PCCB: variants seen among roughly 807,000 people sequenced by gnomAD.
The protein encoded by PCCB is propionyl-CoA carboxylase beta chain, mitochondrial.
A neutral mutation model predicts 60.7 loss-of-function variants in PCCB; 43 were observed. The ratio of observed to expected loss-of-function variants is 0.71; its 90% CI spans 0.55 to 0.91. The LOEUF (loss-of-function observed/expected upper bound fraction) is 0.91, where lower values mean the gene tolerates loss of function less well. Ranked by LOEUF, PCCB falls within the 40% of genes least tolerant of loss-of-function variation. The probability of loss-of-function intolerance (pLI) is 0.00; values close to 1 mark genes in which losing one functional copy is unlikely to be tolerated. For missense variants in PCCB, 766 were observed against 702.8 expected (o/e 1.09, Z -1.02); for synonymous variants, 276 against 255.9 (o/e 1.08, Z -0.75).
chr3:136,283,755 T>C lies in PCCB; in HGVS notation c.544-82T>C. 7 of 990,112 alleles carry C rather than the reference T, an allele frequency of 7.1e-6. No homozygotes were observed. In the Middle Eastern group the frequency reaches 1.1e-3, roughly 163 times the overall value. The allele number at this position is 990,112 out of a possible 1,614,324, so 61.3% of individuals were successfully genotyped here. ...TCTGTGGGAAAAAAGCCAAATGTTA[T>C]CTTATTGTTGTCTTTATCTTTCCAC... On this transcript the variant is annotated intron_variant, in intron 5 of 14. Coordinates refer to ENST00000251654, the MANE Select transcript of PCCB (RefSeq NM_000532.5).
chr3:136,299,790 ATATGCATGTGTATGTATAGG>A (rs1271235615), intron 8 of PCCB, among the ~76,000 whole-genome samples: 9 of 149,656 alleles, frequency 6.0e-5, no homozygotes, highest in Non-Finnish European at 1.0e-4. Flanking sequence ...GTATGTATGT[ATATGCATGTGTATGTATAGG>A]TATGCATGTG....
In PCCB at chr3:136,327,112, TGTGAGGACTTGTGG is replaced by T. The variant is rs756892112; in HGVS notation, c.1199-40_1199-27del. 4 of 1,546,624 alleles carry T rather than the reference TGTGAGGACTTGTGG, an allele frequency of 2.6e-6. No individual in the cohort carries two copies. The African/African-American group carries it at 5.4e-5, about 21-fold the overall frequency. On this transcript the variant is annotated intron_variant, in intron 11 of 14. Transcript: ENST00000251654. ...ACAGCTGAGAGTGGCAGGATAACCA[TGTGAGGACTTGTGG>T]GTATCTAGTAACTCTTCCTCATGTC...
intron 1 of PCCB, chr3:136,251,169 T>C: frequency 2.2e-6 from 1 of 453,866 alleles, no homozygotes; most frequent in Non-Finnish European, 4.4e-6. Context: ...TTTCTGGGAG[T>C]GCGCAGGCTA....
chr3:136,271,654 C>T (rs1942205737), intron 5 of PCCB, among the ~76,000 whole-genome samples: 1 of 152,072 alleles, frequency 6.6e-6, no homozygotes, highest in African/African-American at 2.4e-5. Context: ...ATTTGATTGT[C>T]ACTTTGGTTA....
chr3:136,324,889 T>C (rs1270947861), intron 10 of PCCB, among the ~76,000 whole-genome samples: 2 of 152,120 alleles, frequency 1.3e-5, no homozygotes, highest in East Asian at 3.8e-4. Flanking sequence ...AGAGCTTTCA[T>C]ACCATTTTCT....
intron 5 of PCCB, among the ~76,000 whole-genome samples, chr3:136,276,422 A>G (rs890811933): frequency 2.0e-5 from 3 of 152,212 alleles, no homozygotes; most frequent in Admixed American, 6.5e-5. Flanking sequence ...TTGCCAGGCC[A>G]GTAGGAAAGC....
At chr3:136,291,608 T>C (rs565484053) in intron 6 of PCCB, among the ~76,000 whole-genome samples, 1 of 152,202 alleles carries the variant, frequency 6.6e-6, no homozygotes, top group African/African-American at 2.4e-5. Context: ...CTAGAGCGGG[T>C]TGGGGCTGGC....
chr3:136,274,649 T>G (rs747515381), intron 5 of PCCB, among the ~76,000 whole-genome samples: 3 of 152,226 alleles, frequency 2.0e-5, no homozygotes, highest in Non-Finnish European at 2.9e-5. Context: ...TTGAGCTTCT[T>G]GCATTTGGAT....
Position 136,260,036 on chromosome 3 carries a change from G to A in PCCB, c.373-443G>A, listed in dbSNP as rs1211951466. 3 of 267,492 alleles carry A rather than the reference G, an allele frequency of 1.1e-5. No individual in the cohort carries two copies. The East Asian group carries it at 3.2e-4, about 29-fold the overall frequency. The allele number at this position is 267,492 out of a possible 1,614,324, so 16.6% of individuals were successfully genotyped here. A position where few individuals can be genotyped will look rare whatever the true frequency, so the allele number is the denominator to read the frequency against. ...CAAAGTCTTGGGATTACAGGTGCGA[G>A]CCACCATGCCCGGGCAACTTTTTTT... On this transcript the variant is annotated intron_variant, in intron 3 of 14. Transcript: ENST00000251654.
intron 9 of PCCB, among the ~76,000 whole-genome samples, chr3:136,307,302 AC>A (rs1934476870): frequency 1.5e-5 from 1 of 66,272 alleles, no homozygotes; most frequent in Non-Finnish European, 4.3e-5. Context: ...TATCTAATAT[AC>A]TTAATTATAA....
chr3:136,318,168 C>T (rs937610911), intron 10 of PCCB, among the ~76,000 whole-genome samples: 2 of 152,134 alleles, frequency 1.3e-5, no homozygotes, highest in African/African-American at 4.8e-5. Flanking sequence ...GAAACCCTGT[C>T]TCTACTAAAA....
At chr3:136,304,150 CTTTTTT>C (rs757141619) in intron 9 of PCCB, among the ~76,000 whole-genome samples, 1 of 98,838 alleles carries the variant, frequency 1.0e-5, no homozygotes, top group African/African-American at 2.9e-5. Context: ...ATCTCTTCGT[CTTTTTT>C]TTTTTTTTTT....
intron 9 of PCCB, among the ~76,000 whole-genome samples, chr3:136,316,222 A>G (rs1270226015): frequency 3.3e-5 from 5 of 151,978 alleles, no homozygotes; most frequent in Non-Finnish European, 5.9e-5. Context: ...CCTGTCTCAA[A>G]AAAAGAAAAA....
At chr3:136,307,464 CAG>C (rs1365296368) in intron 9 of PCCB, among the ~76,000 whole-genome samples, 2 of 151,856 alleles carry the variant, frequency 1.3e-5, no homozygotes, top group Admixed American at 6.6e-5. Flanking sequence ...TGTTAGCTAA[CAG>C]ATATCATTAA....
rs546873339 is a variant in PCCB at position 136,306,400 on chromosome 3, A to G, written c.966+5289A>G. On this transcript the variant is annotated intron_variant, in intron 9 of 14. Coordinates refer to ENST00000251654, the MANE Select transcript of PCCB (RefSeq NM_000532.5). ...GAGACAAAATTGCATCAGAAATGAT[A>G]TCAAAATTGCAAGGTGCTCAAAGGA... is the stretch of plus-strand genomic sequence containing the variant. Among the ~76,000 whole-genome samples, 2 of 122,850 alleles carry G rather than the reference A, an allele frequency of 1.6e-5. 1 individual carries two copies. The highest frequency in any genetic ancestry group is 3.6e-5 in the Non-Finnish European group (2 of 54,984). 80.6% of individuals were successfully genotyped at this position (122,850 alleles called of 152,430 possible).
At chr3:136,282,974 G>C (rs979018956) in intron 5 of PCCB, among the ~76,000 whole-genome samples, 2 of 152,130 alleles carry the variant, frequency 1.3e-5, no homozygotes, top group Admixed American at 6.5e-5. Context: ...AGTTGTTTTT[G>C]GGGAGAGAAT....
intron 10 of PCCB, among the ~76,000 whole-genome samples, chr3:136,322,346 G>T (rs1333718727): frequency 6.6e-6 from 1 of 152,082 alleles, no homozygotes; most frequent in Non-Finnish European, 1.5e-5. Context: ...TTTCTGCATT[G>T]TTGGATTTGA....
intron 13 of PCCB, 84 bp from the exon 14 acceptor site, chr3:136,328,674 C>T: frequency 2.8e-6 from 3 of 1,090,706 alleles, no homozygotes; most frequent in Non-Finnish European, 2.8e-6. Flanking sequence ...AAGAAATTTG[C>T]ACCCACACAC....
intron 10 of PCCB, among the ~76,000 whole-genome samples, chr3:136,323,415 C>G (rs1318369397): frequency 1.3e-5 from 2 of 152,074 alleles, no homozygotes; most frequent in Non-Finnish European, 2.9e-5. Flanking sequence ...CTTTTCAGCT[C>G]CAGAATTTTT....
Sources: allele counts gnomAD v4.1 joint callset (sites outside exome capture counted in the v4.1 genomes callset), GRCh38; gene constraint gnomAD v4.1.1; transcripts MANE v1.5; gene names NCBI Gene and HGNC (gene_info 2026-07-23, HGNC 2026-07-21).